The following GCSAML variants were observed in gnomAD, a reference collection of about 807,000 sequenced individuals.
GCSAML encodes germinal center-associated signaling and motility-like protein.
Under a neutral mutation model 13.0 loss-of-function variants are expected in GCSAML, and 9 were observed. The observed-to-expected ratio is 0.69, with a 90% CI of 0.42 to 1.21. The LOEUF (loss-of-function observed/expected upper bound fraction) is 1.21. Ranked by LOEUF, GCSAML falls within the 50% of genes most tolerant of loss-of-function variation. GCSAML has a pLI of 0.00. For missense variants in GCSAML, 143 were observed against 153.4 expected (o/e 0.93, Z 0.36); for synonymous variants, 37 against 52.9 (o/e 0.70, Z 1.31).
upstream of GCSAML, among the ~76,000 whole-genome samples, chr1:247,544,678 G>T (rs527619699): frequency 6.6e-6 from 1 of 152,112 alleles, no homozygotes; most frequent in South Asian, 2.1e-4. Flanking sequence ...GCAAAACGCT[G>T]TCTCTACCAA....
intron 2 of GCSAML, among the ~76,000 whole-genome samples, chr1:247,534,789 CAT>C (rs1395836830): frequency 6.6e-6 from 1 of 152,160 alleles, no homozygotes. Context: ...CATGAACAGA[CAT>C]GTGCATTCAG....
chr1:247,549,918 C>G (rs1198870416), intron 1 of GCSAML, among the ~76,000 whole-genome samples: 1 of 152,206 alleles, frequency 6.6e-6, no homozygotes, highest in Non-Finnish European at 1.5e-5. Flanking sequence ...TGTCCGCTCT[C>G]CCAGTCCCCT....
At chr1:247,538,363 C>T (rs73148470) in intron 2 of GCSAML, among the ~76,000 whole-genome samples, 5,214 of 152,240 alleles carry the variant, frequency 0.034, 287 homozygotes, top group African/African-American at 0.12. Flanking sequence ...TCTGAAGACT[C>T]TCTGAATTAT....
intron 1 of GCSAML, among the ~76,000 whole-genome samples, chr1:247,508,356 T>C (rs554296655): frequency 4.6e-5 from 7 of 152,318 alleles, no homozygotes; most frequent in Admixed American, 3.9e-4. Context: ...TACTTTTTGA[T>C]GGGTTTCTGT....
At chr1:247,552,238 A>G (rs1667801615) in intron 1 of GCSAML, among the ~76,000 whole-genome samples, 1 of 152,222 alleles carries the variant, frequency 6.6e-6, no homozygotes, top group Non-Finnish European at 1.5e-5. Context: ...GAGATGGTAA[A>G]GAGCTGAAAT....
At chr1:247,561,527 G>A (rs916250198) in intron 2 of GCSAML, among the ~76,000 whole-genome samples, 4 of 151,960 alleles carry the variant, frequency 2.6e-5, no homozygotes, top group Admixed American at 6.6e-5. Context: ...GTACCCATTA[G>A]CTAACTTCTC....
chr1:247,542,430 C>G (rs1029268520), intron 2 of GCSAML, among the ~76,000 whole-genome samples: 12 of 152,184 alleles, frequency 7.9e-5, no homozygotes, highest in African/African-American at 2.7e-4. Flanking sequence ...GAAATAATTG[C>G]ACAGAAAATC....
upstream of GCSAML, among the ~76,000 whole-genome samples, chr1:247,548,345 G>A (rs371042113): frequency 1.5e-4 from 23 of 152,310 alleles, no homozygotes; most frequent in African/African-American, 5.5e-4. This position sits in a 1 kb window ranked among gnomAD's most constrained non-coding sequence, Gnocchi z 5.3. Context: ...GGGCAGCCTA[G>A]GGGAGGAAGT....
intron 1 of GCSAML, among the ~76,000 whole-genome samples, chr1:247,520,526 TCACACACACA>T (rs10597982): frequency 1.3e-4 from 19 of 150,302 alleles, no homozygotes; most frequent in Admixed American, 6.6e-4. Flanking sequence ...CCCCACCTCT[TCACACACACA>T]CACACACACA....
chr1:247,533,577 C>T (rs1300584240), intron 2 of GCSAML: 2 of 152,232 alleles, frequency 1.3e-5, no homozygotes, highest in Non-Finnish European at 2.9e-5. Flanking sequence ...AAAAGGAACA[C>T]TGCTCAGAGA....
chr1:247,508,300 A>G (rs2103291805), intron 1 of GCSAML, among the ~76,000 whole-genome samples: 1 of 152,272 alleles, frequency 6.6e-6, no homozygotes, highest in Non-Finnish European at 1.5e-5. Flanking sequence ...TTTGATGGCC[A>G]CATAAATGTC....
At chr1:247,563,130 A>AG in intron 2 of GCSAML, among the ~76,000 whole-genome samples, 1 of 151,842 alleles carries the variant, frequency 6.6e-6, no homozygotes, top group Non-Finnish European at 1.5e-5. Context: ...TCACAGGCAT[A>AG]AGCCATCCCA....
intron 3 of GCSAML, among the ~76,000 whole-genome samples, chr1:247,564,305 T>C (rs1428652023): frequency 2.0e-5 from 3 of 150,914 alleles, no homozygotes; most frequent in Non-Finnish European, 4.4e-5. Context: ...CCCAGCTACT[T>C]GGGAGGCTGA....
intron 2 of GCSAML, chr1:247,529,721 T>TTG (rs1306835015): frequency 0.012 from 33 of 2,788 alleles, no homozygotes; most frequent in African/African-American, 0.015. Flanking sequence ...TGAAGGTGTT[T>TTG]TTTTTTTTTT....
intron 4 of GCSAML, among the ~76,000 whole-genome samples, chr1:247,570,491 T>C (rs1009716526): frequency 6.6e-6 from 1 of 152,222 alleles, no homozygotes; most frequent in Non-Finnish European, 1.5e-5. Context: ...GAGCAGGTTG[T>C]TCAGTTTCCA....
At chr1:247,569,241 T>C (rs899082158) in intron 4 of GCSAML, among the ~76,000 whole-genome samples, 1 of 152,200 alleles carries the variant, frequency 6.6e-6, no homozygotes, top group Non-Finnish European at 1.5e-5. Context: ...CCCAATACTA[T>C]GTTGAATAGG....
intron 1 of GCSAML, among the ~76,000 whole-genome samples, chr1:247,550,899 A>C (rs1335832230): frequency 1.3e-5 from 2 of 152,180 alleles, no homozygotes; most frequent in Admixed American, 6.5e-5. Context: ...TATGGAAGCA[A>C]ATTTTAAAAA....
chr1:247,548,830 C>A (rs1667666210), upstream of GCSAML, among the ~76,000 whole-genome samples: 1 of 152,166 alleles, frequency 6.6e-6, no homozygotes, highest in Admixed American at 6.5e-5. This position sits in a 1 kb window ranked among gnomAD's most constrained non-coding sequence, Gnocchi z 5.3. Flanking sequence ...GAAGTCCTTA[C>A]CTTGTTTCGT....
intron 1 of GCSAML, among the ~76,000 whole-genome samples, chr1:247,550,576 G>A (rs1558252163): frequency 1.3e-5 from 2 of 152,048 alleles, no homozygotes; most frequent in Non-Finnish European, 2.9e-5. Flanking sequence ...GGCGGAGCTT[G>A]CAGTGAGCCG....
Sources: allele counts gnomAD v4.1 joint callset (sites outside exome capture counted in the v4.1 genomes callset), GRCh38; gene constraint gnomAD v4.1.1; non-coding constraint Gnocchi (gnomAD v3.1); transcripts MANE v1.5; gene names NCBI Gene and HGNC (gene_info 2026-07-23, HGNC 2026-07-21).